Variants in LINGO2 observed in about 807,000 individuals in gnomAD.
The protein encoded by LINGO2 is leucine rich repeat and Ig domain containing 2, also known as leucine-rich repeat and immunoglobulin-like domain-containing nogo receptor-interacting protein 2.
A neutral mutation model predicts 30.6 loss-of-function variants in LINGO2; 14 were observed. The observed-to-expected ratio is 0.46, with a 90% CI of 0.30 to 0.72. LINGO2 has a LOEUF of 0.72. LINGO2 is among the 30% of genes least tolerant of loss of function. LINGO2 has a pLI of 0.07. For synonymous variants in LINGO2, 317 were observed against 288.5 expected, an observed-to-expected ratio of 1.10 and a Z score of -1.00; for missense variants, 729 against 751.7, an observed-to-expected ratio of 0.97 and a Z score of 0.35.
intron 5 of LINGO2, among the ~76,000 whole-genome samples, chr9:28,002,159 T>C (rs1821991201): frequency 1.3e-5 from 2 of 152,172 alleles, no homozygotes; most frequent in African/African-American, 4.8e-5. Context: ...GATAAATGGG[T>C]CCTGGGAGCA....
rs59996173 is a variant in LINGO2 at position 28,466,411 on chromosome 9, A to C, written c.-279+9529T>G. ...TTCTCATTTATTTGTGGAGGATAAA[A>C]ATTAAAATAGTTCATGAGACAGAGA... is the stretch of plus-strand genomic sequence containing the variant. On this transcript the variant is annotated intron_variant, in intron 2 of 5. Transcript: ENST00000379992. Among the ~76,000 whole-genome samples, 169 of 152,292 alleles carry C rather than the reference A, an allele frequency of 1.1e-3. 1 individual carries two copies. Among genetic ancestry groups the C allele is most frequent in the African/African-American group, 3.8e-3 (157 of 41,564 alleles).
the LINGO2 span, among the ~76,000 whole-genome samples, chr9:29,176,397 G>A: frequency 2.6e-5 from 4 of 152,120 alleles, no homozygotes; most frequent in African/African-American, 7.2e-5. Flanking sequence ...TAACAGACAC[G>A]TGGTAAGGAC....
intron 1 of LINGO2, among the ~76,000 whole-genome samples, chr9:28,524,651 G>A (rs1409375538): frequency 6.6e-6 from 1 of 152,146 alleles, no homozygotes; most frequent in Non-Finnish European, 1.5e-5. Flanking sequence ...TACTCGGGAG[G>A]CTAAGGCAGG....
chr9:28,860,247 T>C, the LINGO2 span, among the ~76,000 whole-genome samples: 882 of 152,224 alleles, frequency 5.8e-3, 11 homozygotes, highest in African/African-American at 0.02. Flanking sequence ...TGCCCAGATA[T>C]TTGGTCAGAC....
At chr9:28,524,180 GC>G (rs1011124115) in intron 1 of LINGO2, among the ~76,000 whole-genome samples, 17 of 152,162 alleles carry the variant, frequency 1.1e-4, no homozygotes, top group African/African-American at 3.9e-4. Flanking sequence ...TGAAAAAGCA[GC>G]TTTTAACCTT....
chr9:28,014,967 A>C (rs1291729176), intron 4 of LINGO2, among the ~76,000 whole-genome samples: 1 of 152,164 alleles, frequency 6.6e-6, no homozygotes, highest in East Asian at 1.9e-4. Context: ...CAAAAACTAA[A>C]GTTTGTACAA....
the LINGO2 span, among the ~76,000 whole-genome samples, chr9:28,953,503 A>T: frequency 6.6e-6 from 1 of 152,108 alleles, no homozygotes; most frequent in Admixed American, 6.6e-5. Context: ...AACATAAATG[A>T]CACATTTTTA....
At chr9:27,971,672 A>C (rs1320313533) in intron 5 of LINGO2, among the ~76,000 whole-genome samples, 1 of 152,178 alleles carries the variant, frequency 6.6e-6, no homozygotes, top group Non-Finnish European at 1.5e-5. Flanking sequence ...TACAGACATG[A>C]GCCACGGCGC....
chr9:28,080,899 T>C (rs1417312492), intron 4 of LINGO2: 1 of 152,220 alleles, frequency 6.6e-6, no homozygotes, highest in East Asian at 1.9e-4. Flanking sequence ...CAGAAAAGGC[T>C]TGACGTTCTG....
chr9:28,328,058 C>A (rs372111538), intron 3 of LINGO2, among the ~76,000 whole-genome samples: 1 of 151,994 alleles, frequency 6.6e-6, no homozygotes, highest in East Asian at 1.9e-4. Flanking sequence ...TTAGCAGGAG[C>A]GAGAACAAAT....
the LINGO2 span, among the ~76,000 whole-genome samples, chr9:29,017,229 C>G: frequency 6.6e-6 from 1 of 151,598 alleles, no homozygotes; most frequent in Non-Finnish European, 1.5e-5. Flanking sequence ...TTGAAAAATA[C>G]AAATAAATGT....
rs547441833 is a variant in LINGO2 at position 28,646,637 on chromosome 9, C to G, written c.-365+23563G>C. 4.4e-4 allele frequency among the ~76,000 whole-genome samples: 67 copies of G among 152,052 alleles called. 1 individual carries two copies. In the South Asian group the frequency reaches 0.013, roughly 30 times the overall value. On this transcript the variant is annotated intron_variant, in intron 1 of 5. Transcript: ENST00000379992. ...ACACTCTTTTTTCAAGCATCCAACA[C>G]TGTTGAAGGGAGAAGATATAGGATT... is the stretch of plus-strand genomic sequence containing the variant.
the LINGO2 span, among the ~76,000 whole-genome samples, chr9:28,734,948 T>G: frequency 6.6e-6 from 1 of 152,178 alleles, no homozygotes; most frequent in African/African-American, 2.4e-5. Context: ...TAAAAATTCT[T>G]TTTGTGTTGT....
chr9:29,204,125 G>C, the LINGO2 span, among the ~76,000 whole-genome samples: 2 of 152,216 alleles, frequency 1.3e-5, no homozygotes, highest in East Asian at 3.9e-4. Context: ...TAATGACACA[G>C]GAAAAGTTAG....
chr9:29,061,609 C>A, the LINGO2 span, among the ~76,000 whole-genome samples: 1 of 151,898 alleles, frequency 6.6e-6, no homozygotes, highest in Non-Finnish European at 1.5e-5. Flanking sequence ...AAAAATGATG[C>A]GCGAGAACTG....
At chr9:28,814,395 C>T in the LINGO2 span, among the ~76,000 whole-genome samples, 3 of 152,092 alleles carry the variant, frequency 2.0e-5, no homozygotes, top group African/African-American at 7.2e-5. Context: ...CAAGAGAGTG[C>T]CACTGCACTC....
At chr9:28,415,915 T>C (rs561009604) in intron 2 of LINGO2, among the ~76,000 whole-genome samples, 10 of 152,314 alleles carry the variant, frequency 6.6e-5, no homozygotes, top group Non-Finnish European at 1.0e-4. Flanking sequence ...TTGTGATCTC[T>C]GTTATATTCA....
chr9:28,589,755 C>T (rs1046664797), intron 1 of LINGO2, among the ~76,000 whole-genome samples: 3 of 151,822 alleles, frequency 2.0e-5, no homozygotes, highest in African/African-American at 7.3e-5. Flanking sequence ...CAATGCCATC[C>T]CCATCAAGCT....
In LINGO2 at chr9:28,426,096, ATTC is replaced by A. The variant is rs559339815; in HGVS notation, c.-279+49841_-279+49843del. ...ACTGAAATCAGCTACTTAAAATGAA[ATTC>A]TTCTTTCTGCCTTTATGAAGATAAA... On this transcript the variant is annotated intron_variant, in intron 2 of 5. Coordinates refer to ENST00000379992, the Ensembl canonical transcript of LINGO2. 3.2e-4 allele frequency among the ~76,000 whole-genome samples: 48 copies of A among 152,204 alleles called. 3 individuals carry two copies. Among genetic ancestry groups the A allele is most frequent in the African/African-American group, 1.1e-3 (46 of 41,570 alleles).
Sources: allele counts gnomAD v4.1 joint callset (sites outside exome capture counted in the v4.1 genomes callset), GRCh38; gene constraint gnomAD v4.1.1; transcripts MANE v1.5; gene names NCBI Gene and HGNC (gene_info 2026-07-23, HGNC 2026-07-21).